Variants in ZNF350 observed in about 807,000 individuals in gnomAD.
The protein encoded by ZNF350 is zinc finger protein 350, also known as KRAB zinc finger protein ZFQR.
Under a neutral mutation model 13.1 loss-of-function variants are expected in ZNF350, and 5 were observed. The observed-to-expected ratio is 0.38, with a 90% confidence interval of 0.20 to 0.80. The LOEUF is 0.80. Among genes scored for constraint, ZNF350 ranks in the 30% least tolerant of loss-of-function variants. The pLI is 0.43. For missense variants in ZNF350, 534 were observed against 644.2 expected, an observed-to-expected ratio of 0.83 and a Z score of 1.85; for synonymous variants, 199 against 224.2, an observed-to-expected ratio of 0.89 and a Z score of 1.00.
chr19:51,972,284 C>A (rs1275324948), intron 2 of ZNF350, among the ~76,000 whole-genome samples: 8 of 145,178 alleles, frequency 5.5e-5, no homozygotes, highest in Admixed American at 1.4e-4. Context: ...GACAAGACCC[C>A]ATCTCAATTA....
At chr19:51,973,387 A>C (rs1215119901) in intron 2 of ZNF350, 2 of 152,176 alleles carry the variant, frequency 1.3e-5, no homozygotes, top group African/African-American at 4.8e-5. Flanking sequence ...CTGGCCTATC[A>C]TAGATCACAG....
At chr19:51,985,775 G>C (rs1425158172) in intron 1 of ZNF350, among the ~76,000 whole-genome samples, 2 of 152,216 alleles carry the variant, frequency 1.3e-5, no homozygotes, top group Admixed American at 6.5e-5. Context: ...GGAAAGCCAA[G>C]GTGGGCGGAT....
At chr19:51,983,683 CAT>C (rs1317713317) in intron 1 of ZNF350, among the ~76,000 whole-genome samples, 1 of 152,192 alleles carries the variant, frequency 6.6e-6, no homozygotes, top group East Asian at 1.9e-4. Context: ...CCTTTACTCA[CAT>C]GTTTTCCTAC....
chr19:51,977,232 A>G (rs964942175), intron 1 of ZNF350, among the ~76,000 whole-genome samples: 6 of 152,160 alleles, frequency 3.9e-5, no homozygotes, highest in African/African-American at 1.4e-4. Flanking sequence ...ACACCCCACT[A>G]GAGTTTAAGT....
chr19:51,980,267 G>A (rs1284816356), intron 1 of ZNF350, among the ~76,000 whole-genome samples: 1 of 152,124 alleles, frequency 6.6e-6, no homozygotes, highest in East Asian at 1.9e-4. Context: ...CTGGGCTATG[G>A]ATTCTTGTTA....
chr19:51,980,217 A>T (rs1436629976), intron 1 of ZNF350, among the ~76,000 whole-genome samples: 1 of 152,178 alleles, frequency 6.6e-6, no homozygotes, highest in Non-Finnish European at 1.5e-5. Context: ...CACATTACGA[A>T]CACATAATAT....
In ZNF350 at chr19:51,964,559, C is replaced by T. The variant is rs1440106647; in HGVS notation, c.*295G>A. On this transcript the variant is annotated 3_prime_UTR_variant, in exon 5 of 5. Coordinates refer to ENST00000243644, the MANE Select transcript of ZNF350 (RefSeq NM_021632.4). The stretch of plus-strand genomic sequence containing the variant: ...CCCTTATGAAGCTTTTCAGTCACTG[C>T]AACACTCCCGACACCAATTATCTCA... 4 of 408,976 alleles carry T rather than the reference C, an allele frequency of 9.8e-6. No individual in the cohort carries two copies. The highest frequency in any genetic ancestry group is 1.8e-5 in the Non-Finnish European group (4 of 227,422). 25.3% of individuals were successfully genotyped at this position (408,976 alleles called of 1,614,324 possible).
chr19:51,965,064 T>G lies in ZNF350; in HGVS notation c.1389A>C (p.Gln463His). ...ATGTCTGAGGGGCCACAGAAGGCAC[T>G]TGTGTAGTCGCCCCGTTAGCAGAGT... ...EKNSANGATT[Q>H]VPSVAPQTSL... Residue 463 changes from glutamine to histidine, a missense_variant, in exon 5 of 5, where the codon CAA becomes CAC. By Grantham distance (24) the Gln-to-His change is conservative (BLOSUM62 0). Transcript: ENST00000243644. 1.2e-6 allele frequency: 2 copies of G among 1,614,200 alleles called. No homozygotes were observed. Among genetic ancestry groups the G allele is most frequent in the Non-Finnish European group, 1.7e-6 (2 of 1,180,032 alleles).
intron 4 of ZNF350, among the ~76,000 whole-genome samples, chr19:51,968,040 T>C (rs953416090): frequency 2.0e-5 from 3 of 152,050 alleles, no homozygotes; most frequent in African/African-American, 4.8e-5. Context: ...AGGGCACAGA[T>C]GAGAAAATGG....
In ZNF350 at chr19:51,965,336, G is replaced by T. The variant is rs1392158971; in HGVS notation, c.1117C>A (p.Pro373Thr). The change falls in exon 5 of 5, where the codon CCC becomes ACC. Residue 373 changes from proline to threonine, a missense_variant. Physicochemically the swap from Pro to Thr is conservative, Grantham distance 38. Coordinates refer to ENST00000243644, the MANE Select transcript of ZNF350 (RefSeq NM_021632.4). ...TTCCCACATTCACTACATTCAAAGG[G>T]TTTCTCTCCTGTGTGAATTCTTTGA... ...KHQRIHTGEK[P>T]FECSECGKAF... is the part of the protein sequence containing the mutation. 6.2e-7 allele frequency: 1 copy of T among 1,614,046 alleles called. No homozygotes were observed. The highest frequency in any genetic ancestry group is 2.2e-5 in the East Asian group (1 of 44,876).
At position 51,965,125 on chromosome 19, in the gene ZNF350, C is replaced by T. The variant is rs370849009; in HGVS notation, c.1328G>A (p.Ser443Asn). The change falls in exon 5 of 5, where the codon AGC becomes AAC. Residue 443 changes from serine (S) to asparagine (N), a missense_variant. Coordinates refer to ENST00000243644, the MANE Select transcript of ZNF350 (RefSeq NM_021632.4). ...KVENPPAERH[S>N]SLHTSDVMQE... is the part of the protein sequence containing the mutation. ...CATGACATCACTGGTGTGTAATGAG[C>T]TGTGCCTCTCTGCAGGAGGATTTTC... 2 of 1,614,080 alleles carry T rather than the reference C, an allele frequency of 1.2e-6. No homozygotes were observed. The highest frequency in any genetic ancestry group is 1.3e-5 in the African/African-American group (1 of 74,930).
rs1443320608 is a variant in ZNF350 at position 51,976,044 on chromosome 19, T to TC, written c.-171-1514dup. Among the ~76,000 whole-genome samples, 4 of 152,134 alleles carry TC rather than the reference T, an allele frequency of 2.6e-5. No individual in the cohort carries two copies. Among genetic ancestry groups the TC allele is most frequent in the African/African-American group, 9.7e-5 (4 of 41,426 alleles). ...AGGCAATCACTCCCTGGCGCCGTTA[T>TC]CTACTGCGACATCTAGAGAATGCAG... On this transcript the variant is annotated intron_variant, in intron 1 of 4. Transcript: ENST00000243644. The surrounding 1 kb of genome is among the most constrained non-coding windows in gnomAD (Gnocchi z 4.5).
chr19:51,966,470 G>T (rs2085577945), intron 4 of ZNF350, among the ~76,000 whole-genome samples: 1 of 151,276 alleles, frequency 6.6e-6, no homozygotes, highest in Non-Finnish European at 1.5e-5. Flanking sequence ...TTTTACTACA[G>T]ACGGGGTCTC....
chr19:51,984,515 C>T (rs550286513), intron 1 of ZNF350, among the ~76,000 whole-genome samples: 9 of 152,222 alleles, frequency 5.9e-5, no homozygotes, highest in Admixed American at 2.0e-4. Flanking sequence ...AATTTTCCTC[C>T]GAGGTGCACA....
At chr19:51,970,595 A>G (rs2085710566) in intron 2 of ZNF350, among the ~76,000 whole-genome samples, 1 of 152,098 alleles carries the variant, frequency 6.6e-6, no homozygotes, top group African/African-American at 2.4e-5. Flanking sequence ...CAGGCCTCCT[A>G]TTTTTCTGAT....
At chr19:51,966,957 C>CT (rs1453644643) in intron 4 of ZNF350, among the ~76,000 whole-genome samples, 1 of 151,864 alleles carries the variant, frequency 6.6e-6, no homozygotes, top group Non-Finnish European at 1.5e-5. Flanking sequence ...CCAAAGTATT[C>CT]TTTTTTTTAA....
intron 1 of ZNF350, among the ~76,000 whole-genome samples, chr19:51,982,849 A>G (rs2086076708): frequency 1.3e-5 from 2 of 152,214 alleles, no homozygotes; most frequent in African/African-American, 4.8e-5. Context: ...TAGAGACTCA[A>G]TGGCAATGAT....
chr19:51,981,772 T>C (rs1345672426), intron 1 of ZNF350, among the ~76,000 whole-genome samples: 2 of 152,112 alleles, frequency 1.3e-5, no homozygotes, highest in Non-Finnish European at 1.5e-5. Flanking sequence ...TTCATAGAAA[T>C]ACACCATATG....
chr19:51,980,646 T>C (rs925126032), intron 1 of ZNF350, among the ~76,000 whole-genome samples: 1 of 152,230 alleles, frequency 6.6e-6, no homozygotes, highest in African/African-American at 2.4e-5. Context: ...TTTGCGTAAC[T>C]AACTCAGAAT....
Sources: gnomAD v4.1 joint callset for allele counts (sites outside exome capture counted in the v4.1 genomes callset) on GRCh38, gnomAD v4.1.1 for gene constraint, Gnocchi (gnomAD v3.1) non-coding constraint, MANE v1.5 for transcripts, NCBI Gene and HGNC (gene_info 2026-07-23, HGNC 2026-07-21) for gene names.